SMTNL2: variants seen among roughly 807,000 people sequenced by gnomAD.
SMTNL2 encodes smoothelin-like protein 2.
SMTNL2 carries 43 observed loss-of-function variants against 44.1 expected under a neutral mutation model. That is an observed-to-expected ratio of 0.98 (90% CI 0.76 to 1.26). The LOEUF (loss-of-function observed/expected upper bound fraction) is 1.26, where lower values mean the gene tolerates loss of function less well. Ranked by LOEUF, SMTNL2 falls within the 50% of genes most tolerant of loss-of-function variation. The pLI is 0.00. For missense variants in SMTNL2, 646 were observed against 670.2 expected (o/e 0.96, Z 0.40); for synonymous variants, 317 against 287.6 (o/e 1.10, Z -1.03).
At chr17:4,605,111 C>T (rs1465028833) in intron 7 of SMTNL2, among the ~76,000 whole-genome samples, 1 of 148,266 alleles carries the variant, frequency 6.7e-6, no homozygotes, top group Non-Finnish European at 1.5e-5. Context: ...AAGGCATGAT[C>T]GTCAAAATGG....
chr17:4,584,789 G>C lies in SMTNL2; in HGVS notation c.184G>C (p.Asp62His). 7.6e-7 allele frequency: 1 copy of C among 1,321,090 alleles called. No individual in the cohort carries two copies. Among genetic ancestry groups the C allele is most frequent in the South Asian group, 1.9e-5 (1 of 51,542 alleles). The allele number at this position is 1,321,090 out of a possible 1,614,324, so 81.8% of individuals were successfully genotyped here. A position where few individuals can be genotyped will look rare whatever the true frequency, so the allele number is the denominator to read the frequency against. ...LAGPLARTVA[D>H]LQRDNQRLQA... is the part of the protein sequence containing the mutation. ...CGGCCCCCTGGCGCGCACGGTGGCC[G>C]ACCTGCAGCGGGACAACCAGCGGCT... Residue 62 changes from aspartate to histidine, a missense_variant, in exon 1 of 8, where the codon GAC becomes CAC. Transcript: ENST00000389313.
chr17:4,590,921 CA>C (rs1909546585), intron 1 of SMTNL2, among the ~76,000 whole-genome samples: 1 of 152,210 alleles, frequency 6.6e-6, no homozygotes, highest in South Asian at 2.1e-4. Context: ...GCTTGGGCGG[CA>C]GGGCACTTCT....
Position 4,597,002 on chromosome 17 carries a change from G to C in SMTNL2, c.1107+25G>C, listed in dbSNP as rs533397939. 1.0e-5 allele frequency: 15 copies of C among 1,483,156 alleles called. No homozygotes were observed. In the South Asian group the frequency reaches 1.6e-4, roughly 16 times the overall value. The allele number at this position is 1,483,156 out of a possible 1,614,324, so 91.9% of individuals were successfully genotyped here. A position where few individuals can be genotyped will look rare whatever the true frequency, so the allele number is the denominator to read the frequency against. ...GGTGAGCCCCGGCTCCCCTCCGGCT[G>C]CTGGGACGCCCCAGCTAAAAGCTTG... is the stretch of plus-strand genomic sequence containing the variant. On this transcript the variant is annotated intron_variant, in intron 6 of 7. Transcript: ENST00000389313.
chr17:4,595,388 T>C lies in SMTNL2; in HGVS notation c.989+61T>C. The C allele has an allele frequency of 1.3e-6, 2 of 1,566,750 alleles. No individual in the cohort carries two copies. Among genetic ancestry groups the C allele is most frequent in the Non-Finnish European group, 1.7e-6 (2 of 1,153,924 alleles). On this transcript the variant is annotated intron_variant, in intron 5 of 7. Coordinates refer to ENST00000389313, the MANE Select transcript of SMTNL2 (RefSeq NM_001114974.2). This position sits in a 1 kb window ranked among gnomAD's most constrained non-coding sequence, Gnocchi z 5.1. ...CGGTGTGCCCAGACCCAGACGGGGC[T>C]TGGGTGGGTGCAGCAGGGCAAGGTT...
At chr17:4,589,938 C>CTTTTT (rs780984262) in intron 1 of SMTNL2, among the ~76,000 whole-genome samples, 1 of 59,792 alleles carries the variant, frequency 1.7e-5, no homozygotes, top group Non-Finnish European at 3.0e-5. Context: ...ACGCACCTGG[C>CTTTTT]TTTTTTTTTT....
Position 4,595,431 on chromosome 17 carries a change from C to T in SMTNL2, c.989+104C>T. The T allele has an allele frequency of 1.4e-6, 2 of 1,446,086 alleles. No individual in the cohort carries two copies. The highest frequency in any genetic ancestry group is 1.9e-6 in the Non-Finnish European group (2 of 1,076,558). The allele number at this position is 1,446,086 out of a possible 1,614,324, so 89.6% of individuals were successfully genotyped here. On this transcript the variant is annotated intron_variant, in intron 5 of 7. Transcript: ENST00000389313. The surrounding 1 kb of genome is among the most constrained non-coding windows in gnomAD (Gnocchi z 5.1). ...GCAAGGTTCAGCCCTGTCCTGTTCC[C>T]CAGGGCGCTGTTGCCCAGGACAAGA...
At position 4,595,057 on chromosome 17, in the gene SMTNL2, C is replaced by A; in HGVS notation, c.807-88C>A. 1.3e-6 allele frequency: 2 copies of A among 1,575,524 alleles called. No individual in the cohort carries two copies. Among genetic ancestry groups the A allele is most frequent in the Non-Finnish European group, 8.7e-7 (1 of 1,149,822 alleles). On this transcript the variant is annotated intron_variant, in intron 4 of 7. Coordinates refer to ENST00000389313, the MANE Select transcript of SMTNL2 (RefSeq NM_001114974.2). This position sits in a 1 kb window ranked among gnomAD's most constrained non-coding sequence, Gnocchi z 5.1. The stretch of plus-strand genomic sequence containing the variant: ...CCCATCACGGTGCAGGCTGCCTTGT[C>A]CACACTCAGTGCAATGGAGACCTTG...
chr17:4,597,229 C>T lies in SMTNL2; in HGVS notation c.1165C>T (p.Leu389=). The T allele has an allele frequency of 6.2e-7, 1 of 1,614,182 alleles. No individual in the cohort carries two copies. The highest frequency in any genetic ancestry group is 8.5e-7 in the Non-Finnish European group (1 of 1,180,022). The change falls in exon 7 of 8, where the codon CTG becomes TTG. Residue 389 remains leucine, a synonymous_variant. Coordinates refer to ENST00000389313, the MANE Select transcript of SMTNL2 (RefSeq NM_001114974.2). ...GAGCGACGGCATGGCCTTCTGCGCC[C>T]TGGTACACTCCTTCTTCCCCGATGC... ...SWSDGMAFCA[L]VHSFFPDAFD... is the part of the protein sequence containing the mutation.
intron 7 of SMTNL2, among the ~76,000 whole-genome samples, chr17:4,606,870 A>G (rs2150527622): frequency 6.6e-6 from 1 of 152,306 alleles, no homozygotes; most frequent in South Asian, 2.1e-4. Context: ...AGATTGTGCC[A>G]CTGCGCTCCA....
In SMTNL2 at chr17:4,584,939, G is replaced by A; in HGVS notation, c.334G>A (p.Ala112Thr). ...PPPAPGVPDR[A>T]PRLGSARFAS... ...GCCCGCGCCCGGGGTTCCCGACCGC[G>A]CGCCCCGCCTGGGCAGCGCACGCTT... The change falls in exon 1 of 8, where the codon GCG becomes ACG. Residue 112 changes from alanine to threonine, a missense_variant. Transcript: ENST00000389313. 1.5e-6 allele frequency: 2 copies of A among 1,325,596 alleles called. No homozygotes were observed. The highest frequency in any genetic ancestry group is 1.9e-6 in the Non-Finnish European group (2 of 1,042,596). The allele number at this position is 1,325,596 out of a possible 1,614,324, so 82.1% of individuals were successfully genotyped here. A position where few individuals can be genotyped will look rare whatever the true frequency, so the allele number is the denominator to read the frequency against.
At chr17:4,594,929 G>A (rs1025249675) in intron 4 of SMTNL2, 8 of 627,230 alleles carry the variant, frequency 1.3e-5, no homozygotes, top group South Asian at 2.0e-5. Context: ...CGGGCCCAGC[G>A]TCTCCTGAGT....
At chr17:4,593,986 G>C in intron 4 of SMTNL2, 89 bp downstream of exon 4, 1 of 1,390,460 alleles carries the variant, frequency 7.2e-7, no homozygotes, top group South Asian at 1.2e-5. Context: ...TGGCCCTGGG[G>C]TTGGTGCCTC....
At chr17:4,585,071 GC>G (rs1909294166) in intron 1 of SMTNL2, 67 bp downstream of exon 1, 2 of 1,264,810 alleles carry the variant, frequency 1.6e-6, no homozygotes, top group Non-Finnish European at 2.0e-6. Context: ...CCGCCCCTTC[GC>G]CCCGACTGCC....
upstream of SMTNL2, chr17:4,584,098 G>A (rs1345564834): frequency 1.3e-5 from 2 of 152,906 alleles, no homozygotes; most frequent in Non-Finnish European, 2.9e-5. Context: ...AGGTCCCACA[G>A]GTGAGCGTGT....
chr17:4,589,918 C>A, intron 1 of SMTNL2, among the ~76,000 whole-genome samples: 1 of 141,200 alleles, frequency 7.1e-6, no homozygotes. Context: ...CAACCCCAGG[C>A]TGCCTTTGGA....
chr17:4,607,582 G>A lies in SMTNL2; in HGVS notation c.*95G>A, dbSNP rs897588053. ...CCAGGATGCCCCCAGGAGCCTTGCC[G>A]TTTGGTGTGAGCGCGCTGTTTGTTC... On this transcript the variant is annotated 3_prime_UTR_variant, in exon 8 of 8. Transcript: ENST00000389313. The surrounding 1 kb of genome is among the most constrained non-coding windows in gnomAD (Gnocchi z 4.7). 4.5e-6 allele frequency: 7 copies of A among 1,543,110 alleles called. No individual in the cohort carries two copies. Among genetic ancestry groups the A allele is most frequent in the Admixed American group, 1.9e-5 (1 of 53,450 alleles).
chr17:4,589,752 G>T (rs1288108307), intron 1 of SMTNL2, among the ~76,000 whole-genome samples: 1 of 151,910 alleles, frequency 6.6e-6, no homozygotes, highest in Non-Finnish European at 1.5e-5. Context: ...CAGGGCTAAA[G>T]TTACTGCGCT....
rs1909591910 is a variant in SMTNL2 at position 4,592,006 on chromosome 17, G to T, written c.400-355G>T. On this transcript the variant is annotated intron_variant, in intron 1 of 7. Transcript: ENST00000389313. This position sits in a 1 kb window ranked among gnomAD's most constrained non-coding sequence, Gnocchi z 4.5. Reference sequence around the variant, plus strand: ...ATGCCGACCTGGCCCAGCTGAGAGGGGCAGGGGGCGAGGCACTCCTGACCC... The same window carrying T: ...ATGCCGACCTGGCCCAGCTGAGAGGTGCAGGGGGCGAGGCACTCCTGACCC... Among the ~76,000 whole-genome samples, 1 of 152,218 alleles carries T rather than the reference G, an allele frequency of 6.6e-6. No individual in the cohort carries two copies. Among genetic ancestry groups the T allele is most frequent in the Admixed American group, 6.5e-5 (1 of 15,292 alleles).
In SMTNL2 at chr17:4,585,123, C is replaced by T. The variant is rs1909297229; in HGVS notation, c.399+119C>T. On this transcript the variant is annotated intron_variant, in intron 1 of 7. Coordinates refer to ENST00000389313, the MANE Select transcript of SMTNL2 (RefSeq NM_001114974.2). ...CTGCGGGGTTGGGGCCTTCACCGGC[C>T]GCTCGGACTAGGTGATGGGGGTCCT... 4.3e-6 allele frequency: 5 copies of T among 1,162,762 alleles called. No homozygotes were observed. The South Asian group carries it at 1.1e-4, about 25-fold the overall frequency. The allele number at this position is 1,162,762 out of a possible 1,614,324, so 72.0% of individuals were successfully genotyped here.
Sources: gnomAD v4.1 joint callset for allele counts (sites outside exome capture counted in the v4.1 genomes callset) on GRCh38, gnomAD v4.1.1 for gene constraint, Gnocchi (gnomAD v3.1) non-coding constraint, MANE v1.5 for transcripts, NCBI Gene and HGNC (gene_info 2026-07-23, HGNC 2026-07-21) for gene names.